CSNK1G1: variants seen among roughly 807,000 people sequenced by gnomAD.
CSNK1G1 encodes casein kinase I isoform gamma-1.
In CSNK1G1, 22 loss-of-function variants were observed where a neutral mutation model predicts 59.6. The ratio of observed to expected loss-of-function variants is 0.37; its 90% CI spans 0.26 to 0.53. The LOEUF is 0.53. Among genes scored for constraint, CSNK1G1 ranks in the 20% least tolerant of loss-of-function variants. CSNK1G1 has a pLI of 0.89. For missense variants in CSNK1G1, 384 were observed against 519.5 expected (o/e 0.74, Z 2.54); for synonymous variants, 179 against 177.1 (o/e 1.01, Z -0.08).
chr15:64,301,125 T>TA (rs1372906738), intron 1 of CSNK1G1, among the ~76,000 whole-genome samples: 1 of 152,178 alleles, frequency 6.6e-6, no homozygotes, highest in African/African-American at 2.4e-5. Flanking sequence ...TATAAGAAAT[T>TA]AGACTATTCA....
chr15:64,270,181 A>T (rs1171075366), intron 2 of CSNK1G1, among the ~76,000 whole-genome samples: 1 of 150,928 alleles, frequency 6.6e-6, no homozygotes, highest in African/African-American at 2.4e-5. Flanking sequence ...GTTTACTTGG[A>T]TCTTCTCTCT....
At chr15:64,341,481 T>C (rs925933860) in intron 1 of CSNK1G1, among the ~76,000 whole-genome samples, 11 of 152,056 alleles carry the variant, frequency 7.2e-5, no homozygotes, top group African/African-American at 2.2e-4. Context: ...TGTTGGTTGG[T>C]TGGTTGGTTT....
intron 1 of CSNK1G1, among the ~76,000 whole-genome samples, chr15:64,312,784 A>T (rs1896062863): frequency 6.6e-6 from 1 of 152,258 alleles, no homozygotes. Context: ...CAGCTGCTGC[A>T]CAGCAAAAGA....
chr15:64,312,989 A>G (rs982191305), intron 1 of CSNK1G1, among the ~76,000 whole-genome samples: 15 of 152,272 alleles, frequency 9.9e-5, no homozygotes, highest in Non-Finnish European at 1.5e-4. Flanking sequence ...TATGCAGCCA[A>G]CAAACATGAA....
At chr15:64,182,326 G>A (rs2081830055) in intron 10 of CSNK1G1, among the ~76,000 whole-genome samples, 1 of 152,068 alleles carries the variant, frequency 6.6e-6, no homozygotes, top group African/African-American at 2.4e-5. Context: ...ACCTGCCTTG[G>A]CTTCCCGAAG....
At chr15:64,304,969 T>G (rs1266977779) in intron 1 of CSNK1G1, among the ~76,000 whole-genome samples, 1 of 152,210 alleles carries the variant, frequency 6.6e-6, no homozygotes, top group Admixed American at 6.5e-5. Flanking sequence ...TGTTTCTTGG[T>G]CACAAGTTTC....
Position 64,169,392 on chromosome 15 carries a change from C to T in CSNK1G1, c.*2539G>A, listed in dbSNP as rs760645602. On this transcript the variant is annotated 3_prime_UTR_variant, in exon 12 of 12. Coordinates refer to ENST00000303052, the MANE Select transcript of CSNK1G1 (RefSeq NM_022048.5). ...GGACTACGGGAGCATGCCACCATGCCCAGCTAATTTTTGTATTTTTTGTAG... is the reference window on the plus strand; with the variant it reads ...GGACTACGGGAGCATGCCACCATGCTCAGCTAATTTTTGTATTTTTTGTAG... 1.3e-5 allele frequency: 2 copies of T among 152,152 alleles called. No homozygotes were observed. The highest frequency in any genetic ancestry group is 2.4e-5 in the African/African-American group (1 of 41,384). The allele number at this position is 152,152 out of a possible 1,614,324, so 9.4% of individuals were successfully genotyped here.
intron 1 of CSNK1G1, among the ~76,000 whole-genome samples, chr15:64,351,949 A>T (rs546292805): frequency 6.6e-6 from 1 of 152,180 alleles, no homozygotes; most frequent in Non-Finnish European, 1.5e-5. Flanking sequence ...GGAGCTTCTG[A>T]GAGCTTTACC....
At chr15:64,266,123 C>T (rs1290647583) in intron 2 of CSNK1G1, among the ~76,000 whole-genome samples, 1 of 151,874 alleles carries the variant, frequency 6.6e-6, no homozygotes, top group Non-Finnish European at 1.5e-5. Flanking sequence ...AGTGCAGCGA[C>T]ACGATCTCGG....
chr15:64,245,775 A>C lies in CSNK1G1; in HGVS notation c.292+5737T>G, dbSNP rs142921528. Reference sequence around the variant, plus strand: ...GAAAAAAAAAAAAGACACACACACAAAAAAAGAATGAAATTCTGTCATTTG... The same window carrying C: ...GAAAAAAAAAAAAGACACACACACACAAAAAGAATGAAATTCTGTCATTTG... On this transcript the variant is annotated intron_variant, in intron 4 of 11. Transcript: ENST00000303052. 6.6e-5 allele frequency among the ~76,000 whole-genome samples: 10 copies of C among 152,198 alleles called. No homozygotes were observed. The South Asian group carries it at 1.5e-3, about 22-fold the overall frequency.
chr15:64,184,412 C>T (rs1203005410), intron 10 of CSNK1G1, among the ~76,000 whole-genome samples: 2 of 152,196 alleles, frequency 1.3e-5, no homozygotes, highest in East Asian at 3.9e-4. Context: ...CACGGTGGCT[C>T]GTGCCTGTAA....
chr15:64,322,940 GT>G (rs544202829), intron 1 of CSNK1G1, among the ~76,000 whole-genome samples: 325 of 146,452 alleles, frequency 2.2e-3, no homozygotes, highest in African/African-American at 7.4e-3. Flanking sequence ...TTTTTGGGTT[GT>G]TTTTTTTTTT....
intron 1 of CSNK1G1, among the ~76,000 whole-genome samples, chr15:64,302,699 T>C (rs1276615756): frequency 1.3e-5 from 2 of 152,190 alleles, no homozygotes; most frequent in African/African-American, 2.4e-5. Flanking sequence ...AGTATGTCTA[T>C]ACGTGAGACT....
At chr15:64,318,139 T>C (rs1896371125) in intron 1 of CSNK1G1, among the ~76,000 whole-genome samples, 1 of 151,702 alleles carries the variant, frequency 6.6e-6, no homozygotes, top group East Asian at 1.9e-4. Context: ...TACATATTTA[T>C]ATAAAAATTT....
At chr15:64,314,526 A>T (rs1896165236) in intron 1 of CSNK1G1, among the ~76,000 whole-genome samples, 1 of 151,144 alleles carries the variant, frequency 6.6e-6, no homozygotes, top group African/African-American at 2.4e-5. Context: ...CAATTTTAAA[A>T]TGTACAAAAA....
intron 1 of CSNK1G1, among the ~76,000 whole-genome samples, chr15:64,318,398 G>A (rs1365544252): frequency 1.3e-5 from 2 of 152,066 alleles, no homozygotes; most frequent in Non-Finnish European, 2.9e-5. Flanking sequence ...CATGAGATTA[G>A]GGCAGTTACC....
At position 64,214,547 on chromosome 15, in the gene CSNK1G1, T is replaced by C. The variant is rs1443886258; in HGVS notation, c.445-423A>G. Among the ~76,000 whole-genome samples, 1 of 152,208 alleles carries C rather than the reference T, an allele frequency of 6.6e-6. No homozygotes were observed. The highest frequency in any genetic ancestry group is 2.1e-4 in the South Asian group (1 of 4,820). On this transcript the variant is annotated intron_variant, in intron 5 of 11. Coordinates refer to ENST00000303052, the MANE Select transcript of CSNK1G1 (RefSeq NM_022048.5). The surrounding 1 kb of genome is among the most constrained non-coding windows in gnomAD (Gnocchi z 4.3). ...TTCACCTTCTGCCCACATCTTCTTA[T>C]GCTTATTTGGACAAGACTACCCAAC...
At chr15:64,231,110 T>C (rs1056952335) in intron 4 of CSNK1G1, among the ~76,000 whole-genome samples, 1 of 151,684 alleles carries the variant, frequency 6.6e-6, no homozygotes, top group African/African-American at 2.4e-5. Flanking sequence ...GAGGATTGCT[T>C]GAGGCCAAAA....
intron 2 of CSNK1G1, among the ~76,000 whole-genome samples, chr15:64,293,303 G>A (rs1370653758): frequency 6.6e-6 from 1 of 152,086 alleles, no homozygotes. Flanking sequence ...CATTGAAAAT[G>A]AGCAAAGGCC....
Sources: allele counts gnomAD v4.1 joint callset (sites outside exome capture counted in the v4.1 genomes callset), GRCh38; gene constraint gnomAD v4.1.1; non-coding constraint Gnocchi (gnomAD v3.1); transcripts MANE v1.5; gene names NCBI Gene and HGNC (gene_info 2026-07-23, HGNC 2026-07-21).